Variants in RNF19A observed in about 807,000 individuals in gnomAD.
The protein encoded by RNF19A is E3 ubiquitin-protein ligase RNF19A.
A neutral mutation model predicts 75.7 loss-of-function variants in RNF19A; 32 were observed. The observed-to-expected ratio is 0.42, with a 90% confidence interval of 0.32 to 0.57. The LOEUF (loss-of-function observed/expected upper bound fraction) is 0.57. Among genes scored for constraint, RNF19A ranks in the 20% least tolerant of loss-of-function variants. RNF19A has a pLI of 0.10. For missense variants in RNF19A, 782 were observed against 1,036.3 expected (o/e 0.75, Z 3.37); for synonymous variants, 335 against 345.2 (o/e 0.97, Z 0.33).
chr8:100,310,385 GTCTCCCTGGCCGGT>G (rs1822260292), upstream of RNF19A: 2 of 327,530 alleles, frequency 6.1e-6, no homozygotes, highest in Non-Finnish European at 8.8e-6. Context: ...TGGGGCCGGT[GTCTCCCTGGCCGGT>G]TCTCCGTGGC....
At position 100,264,806 on chromosome 8, in the gene RNF19A, G is replaced by T. The variant is rs1353452711; in HGVS notation, c.1192-21C>A. 5 of 1,507,964 alleles carry T rather than the reference G, an allele frequency of 3.3e-6. No individual in the cohort carries two copies. Among genetic ancestry groups the T allele is most frequent in the Non-Finnish European group, 4.6e-6 (5 of 1,084,252 alleles). The allele number at this position is 1,507,964 out of a possible 1,614,324, so 93.4% of individuals were successfully genotyped here. A position where few individuals can be genotyped will look rare whatever the true frequency, so the allele number is the denominator to read the frequency against. The stretch of plus-strand genomic sequence containing the variant: ...TGAATCTTGAATTAATAAAAATAGG[G>T]GTGGGGGATTAAAGAGAAAATACAT... On this transcript the variant is annotated intron_variant, in intron 5 of 9. Transcript: ENST00000341084. This position sits in a 1 kb window ranked among gnomAD's most constrained non-coding sequence, Gnocchi z 4.7.
At chr8:100,268,182 A>C (rs2132524750) in intron 5 of RNF19A, among the ~76,000 whole-genome samples, 1 of 152,014 alleles carries the variant, frequency 6.6e-6, no homozygotes, top group Non-Finnish European at 1.5e-5. Context: ...GCAACAACAG[A>C]CTTCTTAGGA....
intron 1 of RNF19A, among the ~76,000 whole-genome samples, chr8:100,301,942 A>G (rs541314853): frequency 6.6e-6 from 1 of 152,308 alleles, no homozygotes; most frequent in Non-Finnish European, 1.5e-5. Context: ...CTGGGGAAAG[A>G]GCATCCAAGG....
chr8:100,290,443 G>C (rs1370907144), intron 1 of RNF19A, among the ~76,000 whole-genome samples: 1 of 152,118 alleles, frequency 6.6e-6, no homozygotes, highest in African/African-American at 2.4e-5. Context: ...GGTTACAAAG[G>C]TATGTTCACT....
chr8:100,287,292 G>C lies in RNF19A; in HGVS notation c.674+209C>G, dbSNP rs1168414700. Among the ~76,000 whole-genome samples, 2 of 152,126 alleles carry C rather than the reference G, an allele frequency of 1.3e-5. No homozygotes were observed. The highest frequency in any genetic ancestry group is 2.9e-5 in the Non-Finnish European group (2 of 68,028). ...CCCTTTCCTTCTAAAAGTGCTCAGTGAGTATGTAACGCAGAGACGATATAG... is the reference window on the plus strand; with the variant it reads ...CCCTTTCCTTCTAAAAGTGCTCAGTCAGTATGTAACGCAGAGACGATATAG... On this transcript the variant is annotated intron_variant, in intron 2 of 9. Transcript: ENST00000341084. The surrounding 1 kb of genome is among the most constrained non-coding windows in gnomAD (Gnocchi z 4.1).
At chr8:100,281,246 T>G (rs1382039695) in intron 2 of RNF19A, among the ~76,000 whole-genome samples, 2 of 152,204 alleles carry the variant, frequency 1.3e-5, no homozygotes, top group Non-Finnish European at 2.9e-5. Flanking sequence ...CAGAAGTATC[T>G]TCTGTTCACT....
At chr8:100,271,918 C>A (rs1029278732) in intron 3 of RNF19A, among the ~76,000 whole-genome samples, 2 of 152,076 alleles carry the variant, frequency 1.3e-5, no homozygotes, top group African/African-American at 4.8e-5. Flanking sequence ...CACCGTTCCC[C>A]GATATGAAAA....
chr8:100,280,132 A>G (rs1788198), intron 2 of RNF19A, among the ~76,000 whole-genome samples: 107,687 of 152,066 alleles, frequency 0.71, 39,539 homozygotes, highest in African/African-American at 0.92. Flanking sequence ...AAGGGGCAGG[A>G]CTGGATTTGA....
chr8:100,320,561 A>C (rs1024916426), intron 1 of RNF19A, among the ~76,000 whole-genome samples: 1 of 152,210 alleles, frequency 6.6e-6, no homozygotes, highest in Non-Finnish European at 1.5e-5. Context: ...TAACAGGTGC[A>C]TTTGGATTCT....
At chr8:100,296,148 A>C (rs957045994) in intron 1 of RNF19A, among the ~76,000 whole-genome samples, 1 of 149,786 alleles carries the variant, frequency 6.7e-6, no homozygotes, top group African/African-American at 2.4e-5. Context: ...ATCTGTTGCT[A>C]GGCTAGAGTG....
chr8:100,258,845 CAAG>C lies in RNF19A; in HGVS notation c.2225_2227del (p.Ser742del), dbSNP rs769565050. ...GTGATAATCACTGGAACCATGACTA[CAAG>C]AAGTTTTCATGCTTTCTAGGTCAGA... On this transcript the variant is annotated inframe_deletion, in exon 10 of 10. Coordinates refer to ENST00000341084, the MANE Select transcript of RNF19A (RefSeq NM_183419.4). The surrounding 1 kb of genome is among the most constrained non-coding windows in gnomAD (Gnocchi z 4.3). The C allele has an allele frequency of 1.1e-5, 17 of 1,614,008 alleles. No individual in the cohort carries two copies. The African/African-American group carries it at 2.1e-4, about 20-fold the overall frequency.
chr8:100,308,738 CAAAGG>C (rs1435161883), intron 1 of RNF19A, among the ~76,000 whole-genome samples: 2 of 151,956 alleles, frequency 1.3e-5, no homozygotes, highest in South Asian at 2.1e-4. Context: ...GACAACCGAT[CAAAGG>C]AAAGGGCTGC....
At chr8:100,273,205 G>GA (rs1047613199) in intron 3 of RNF19A, among the ~76,000 whole-genome samples, 1 of 151,752 alleles carries the variant, frequency 6.6e-6, no homozygotes, top group Non-Finnish European at 1.5e-5. Flanking sequence ...TCCAAATGAA[G>GA]TTTTTTTTTA....
At chr8:100,272,195 T>G (rs573242728) in intron 3 of RNF19A, among the ~76,000 whole-genome samples, 1 of 152,288 alleles carries the variant, frequency 6.6e-6, no homozygotes, top group Non-Finnish European at 1.5e-5. Flanking sequence ...ATTTAAAATT[T>G]AACTCCAAGT....
At chr8:100,309,104 C>G (rs1391009115) in intron 1 of RNF19A, among the ~76,000 whole-genome samples, 1 of 152,130 alleles carries the variant, frequency 6.6e-6, no homozygotes, top group Non-Finnish European at 1.5e-5. Context: ...GAGTGGAACC[C>G]AGATAAGAAA....
Position 100,325,696 on chromosome 8 carries a change from A to C in RNF19A, c.-243+10412T>G, listed in dbSNP as rs1197107434. ...GACCGATTATCTAGTCATTGTTATC[A>C]ACCTCAATATTGCAGAAAATATCTG... On this transcript the variant is annotated intron_variant, in intron 1 of 3. Coordinates refer to the RNF19A transcript ENST00000519527. This position sits in a 1 kb window ranked among gnomAD's most constrained non-coding sequence, Gnocchi z 4.3. 6.6e-6 allele frequency among the ~76,000 whole-genome samples: 1 copy of C among 152,164 alleles called. No individual in the cohort carries two copies. The highest frequency in any genetic ancestry group is 1.5e-5 in the Non-Finnish European group (1 of 68,028).
Position 100,264,470 on chromosome 8 carries a change from T to C in RNF19A, c.1306+201A>G. ...CCTCCGAACTGTACTTGGGGTGGAG[T>C]GGGGAGGAAGGGTATCAGCCACTAA... On this transcript the variant is annotated intron_variant, in intron 6 of 9. Transcript: ENST00000341084. The surrounding 1 kb of genome is among the most constrained non-coding windows in gnomAD (Gnocchi z 4.7). The C allele has an allele frequency of 1.7e-6, 1 of 581,626 alleles. No homozygotes were observed. The highest frequency in any genetic ancestry group is 3.0e-6 in the Non-Finnish European group (1 of 332,190). The allele number at this position is 581,626 out of a possible 1,614,324, so 36.0% of individuals were successfully genotyped here.
At chr8:100,316,104 T>G (rs2130315017) in intron 1 of RNF19A, among the ~76,000 whole-genome samples, 1 of 152,220 alleles carries the variant, frequency 6.6e-6, no homozygotes, top group African/African-American at 2.4e-5. Flanking sequence ...GGTGGGTTCG[T>G]GGTCTCGCTG....
At chr8:100,320,315 T>C (rs1277751161) in intron 1 of RNF19A, among the ~76,000 whole-genome samples, 3 of 151,986 alleles carry the variant, frequency 2.0e-5, no homozygotes, top group Admixed American at 6.5e-5. Context: ...CAAAACACTA[T>C]TTTCAAGATC....
Sources: gnomAD v4.1 joint callset for allele counts (sites outside exome capture counted in the v4.1 genomes callset) on GRCh38, gnomAD v4.1.1 for gene constraint, Gnocchi (gnomAD v3.1) non-coding constraint, MANE v1.5 for transcripts, NCBI Gene and HGNC (gene_info 2026-07-23, HGNC 2026-07-21) for gene names.